PCMTD1: variants seen among roughly 807,000 people sequenced by gnomAD.
PCMTD1 encodes the protein protein-L-isoaspartate O-methyltransferase domain-containing protein 1.
PCMTD1 carries 12 observed loss-of-function variants against 37.6 expected under a neutral mutation model. The ratio of observed to expected loss-of-function variants is 0.32; its 90% CI spans 0.20 to 0.52. PCMTD1 has a LOEUF of 0.52. PCMTD1 is among the 20% of genes least tolerant of loss of function. PCMTD1 has a pLI of 0.97. For missense variants in PCMTD1, 235 were observed against 421.3 expected (o/e 0.56, Z 3.87); for synonymous variants, 117 against 135.8 (o/e 0.86, Z 0.96).
At chr8:51,861,742 G>C (rs2038473540) in intron 1 of PCMTD1, among the ~76,000 whole-genome samples, 1 of 148,834 alleles carries the variant, frequency 6.7e-6, no homozygotes, top group South Asian at 2.1e-4. Flanking sequence ...TTTTTTTTAA[G>C]ATAAGGTCTC....
intron 5 of PCMTD1, among the ~76,000 whole-genome samples, chr8:51,829,054 T>C (rs1000513555): frequency 2.6e-5 from 4 of 152,244 alleles, no homozygotes; most frequent in Non-Finnish European, 5.9e-5. Flanking sequence ...CAAGTATATT[T>C]GAAAAAACTG....
intron 4 of PCMTD1, among the ~76,000 whole-genome samples, chr8:51,832,875 C>G (rs1205692729): frequency 6.6e-6 from 1 of 152,142 alleles, no homozygotes; most frequent in Non-Finnish European, 1.5e-5. Flanking sequence ...GAGACAGGGT[C>G]TCACTTTGTC....
chr8:51,898,704 C>A (rs2039048432), intron 1 of PCMTD1, among the ~76,000 whole-genome samples: 1 of 151,858 alleles, frequency 6.6e-6, no homozygotes, highest in African/African-American at 2.4e-5. Context: ...GACTCCCCGA[C>A]CTCCCAAGTC....
chr8:51,818,021 C>T lies in PCMTD1; in HGVS notation c.*2330G>A. ...TCCCCATCATTTTCACTTACTTTTACTTAATCTTTATTTGCTACTTTTCCA... is the reference window on the plus strand; with the variant it reads ...TCCCCATCATTTTCACTTACTTTTATTTAATCTTTATTTGCTACTTTTCCA... On this transcript the variant is annotated 3_prime_UTR_variant, in exon 6 of 6. Coordinates refer to ENST00000522514, the MANE Select transcript of PCMTD1 (RefSeq NM_052937.4). 1 of 445,746 alleles carries T rather than the reference C, an allele frequency of 2.2e-6. No individual in the cohort carries two copies. Among genetic ancestry groups the T allele is most frequent in the Non-Finnish European group, 4.5e-6 (1 of 221,126 alleles). 27.6% of individuals were successfully genotyped at this position (445,746 alleles called of 1,614,324 possible).
At chr8:51,840,494 A>C (rs1346557087) in intron 3 of PCMTD1, among the ~76,000 whole-genome samples, 2 of 152,146 alleles carry the variant, frequency 1.3e-5, no homozygotes, top group African/African-American at 4.8e-5. Context: ...TTGTTATAAA[A>C]CTACTTCTAA....
intron 3 of PCMTD1, among the ~76,000 whole-genome samples, chr8:51,842,458 G>A (rs1004883298): frequency 2.0e-5 from 3 of 151,874 alleles, no homozygotes; most frequent in East Asian, 1.9e-4. Flanking sequence ...GGGAATACAG[G>A]TATGTGGAAC....
At position 51,818,035 on chromosome 8, in the gene PCMTD1, G is replaced by A. The variant is rs999330645; in HGVS notation, c.*2316C>T. 2.5e-5 allele frequency: 11 copies of A among 436,642 alleles called. No homozygotes were observed. The highest frequency in any genetic ancestry group is 3.3e-4 in the Middle Eastern group (1 of 2,992). 27.0% of individuals were successfully genotyped at this position (436,642 alleles called of 1,614,324 possible). On this transcript the variant is annotated 3_prime_UTR_variant, in exon 6 of 6. Transcript: ENST00000522514. Reference sequence around the variant, plus strand: ...ACTTACTTTTACTTAATCTTTATTTGCTACTTTTCCACCTATAAAGCGTAA... The same window carrying A: ...ACTTACTTTTACTTAATCTTTATTTACTACTTTTCCACCTATAAAGCGTAA...
chr8:51,897,139 T>C (rs142940780), intron 1 of PCMTD1, among the ~76,000 whole-genome samples: 12 of 152,224 alleles, frequency 7.9e-5, no homozygotes, highest in African/African-American at 2.9e-4. Flanking sequence ...CGTGATTATC[T>C]TCCTCAGTTG....
intron 1 of PCMTD1, among the ~76,000 whole-genome samples, chr8:51,865,908 A>G (rs2038548261): frequency 6.6e-6 from 1 of 152,026 alleles, no homozygotes; most frequent in Non-Finnish European, 1.5e-5. Context: ...TCTTATATGC[A>G]GAAAATTGTA....
chr8:51,830,846 T>C, intron 5 of PCMTD1, among the ~76,000 whole-genome samples: 1 of 152,196 alleles, frequency 6.6e-6, no homozygotes, highest in East Asian at 1.9e-4. Flanking sequence ...CCACCATACC[T>C]ACAGTAGATG....
chr8:51,854,901 G>A (rs1301662633), intron 2 of PCMTD1, among the ~76,000 whole-genome samples: 4 of 150,088 alleles, frequency 2.7e-5, no homozygotes, highest in South Asian at 2.1e-4. Context: ...AAGGCTAGGC[G>A]TGGTGGCTCA....
Position 51,819,384 on chromosome 8 carries a change from T to A in PCMTD1, c.*967A>T, listed in dbSNP as rs1444084882. On this transcript the variant is annotated 3_prime_UTR_variant, in exon 6 of 6. Transcript: ENST00000522514. ...ATTCAGATAAACTAGAAGTTCCATCTGCTAAAGTGCATCCGCTGACCAGGT... is the reference window on the plus strand; with the variant it reads ...ATTCAGATAAACTAGAAGTTCCATCAGCTAAAGTGCATCCGCTGACCAGGT... 1 of 152,118 alleles carries A rather than the reference T, an allele frequency of 6.6e-6. No individual in the cohort carries two copies. The highest frequency in any genetic ancestry group is 2.4e-5 in the African/African-American group (1 of 41,428). The allele number at this position is 152,118 out of a possible 1,614,324, so 9.4% of individuals were successfully genotyped here. A position where few individuals can be genotyped will look rare whatever the true frequency, so the allele number is the denominator to read the frequency against.
chr8:51,880,080 G>T (rs1455279617), intron 1 of PCMTD1, among the ~76,000 whole-genome samples: 2 of 151,580 alleles, frequency 1.3e-5, no homozygotes, highest in Non-Finnish European at 1.5e-5. Flanking sequence ...TGTACCTGAA[G>T]TCCCAGCTAC....
chr8:51,821,876 C>T (rs1585778779), intron 5 of PCMTD1, among the ~76,000 whole-genome samples: 1 of 152,192 alleles, frequency 6.6e-6, no homozygotes, highest in East Asian at 1.9e-4. Flanking sequence ...GCTGGGACTA[C>T]AGGCATGTGC....
chr8:51,860,607 T>C (rs977499742), intron 2 of PCMTD1: 3 of 388,508 alleles, frequency 7.7e-6, no homozygotes, highest in Non-Finnish European at 1.4e-5. Flanking sequence ...TGACTTTAAG[T>C]ACAGACAATG....
intron 2 of PCMTD1, among the ~76,000 whole-genome samples, chr8:51,850,487 C>A (rs1325763177): frequency 2.0e-5 from 3 of 152,134 alleles, no homozygotes; most frequent in Non-Finnish European, 4.4e-5. Flanking sequence ...CAGGGCGTGA[C>A]CCAGGGTCTG....
chr8:51,830,939 T>G lies in PCMTD1; in HGVS notation c.706+505A>C, dbSNP rs184336082. On this transcript the variant is annotated intron_variant, in intron 5 of 5. Coordinates refer to ENST00000522514, the MANE Select transcript of PCMTD1 (RefSeq NM_052937.4). ...TTTTGGTTTGACCTGCCCCTTCTTC[T>G]TATGTTTCCATGAAGGTAGCTAACA... Among the ~76,000 whole-genome samples the G allele has an allele frequency of 6.8e-3, 1,032 of 152,204 alleles. 10 individuals are homozygous for G. Among genetic ancestry groups the G allele is most frequent in the Non-Finnish European group, 0.01 (710 of 67,998 alleles).
chr8:51,878,923 G>A (rs762372728), intron 1 of PCMTD1, among the ~76,000 whole-genome samples: 4 of 152,074 alleles, frequency 2.6e-5, no homozygotes, highest in African/African-American at 4.8e-5. Context: ...CCAGGAGTTC[G>A]AGACCAGCCC....
Position 51,845,730 on chromosome 8 carries a change from T to C in PCMTD1, c.341A>G (p.His114Arg), listed in dbSNP as rs1163898435. Residue 114 changes from histidine (H) to arginine (R), a missense_variant, in exon 3 of 6, where the codon CAT becomes CGT. His to Arg is a conservative substitution (Grantham distance 29, BLOSUM62 0). Coordinates refer to ENST00000522514, the MANE Select transcript of PCMTD1 (RefSeq NM_052937.4). Reference protein sequence around the residue: ...PFGINHGIELHSDVVEYAKEK... With the variant: ...PFGINHGIELRSDVVEYAKEK... Reference sequence around the variant, plus strand: ...CTTGGCATATTCCACCACATCTGAATGAAGCTCAATCCCATGATTTATTCC... The same window carrying C: ...CTTGGCATATTCCACCACATCTGAACGAAGCTCAATCCCATGATTTATTCC... 6.2e-7 allele frequency: 1 copy of C among 1,613,138 alleles called. No individual in the cohort carries two copies.
Sources: gnomAD v4.1 joint callset for allele counts (sites outside exome capture counted in the v4.1 genomes callset) on GRCh38, gnomAD v4.1.1 for gene constraint, MANE v1.5 for transcripts, NCBI Gene and HGNC (gene_info 2026-07-23, HGNC 2026-07-21) for gene names.